POU2F3: variants seen among roughly 807,000 people sequenced by gnomAD.
POU2F3 encodes the protein POU class 2 homeobox 3.
POU2F3 carries 23 observed loss-of-function variants against 59.2 expected under a neutral mutation model. The ratio of observed to expected loss-of-function variants is 0.39; its 90% CI spans 0.28 to 0.55. The LOEUF (loss-of-function observed/expected upper bound fraction) is 0.55, where lower values mean the gene tolerates loss of function less well. Ranked by LOEUF, POU2F3 falls within the 20% of genes least tolerant of loss-of-function variation. POU2F3 has a pLI of 0.66. For synonymous variants in POU2F3, 190 were observed against 214.6 expected, an observed-to-expected ratio of 0.89 and a Z score of 1.00; for missense variants, 473 against 544.5, an observed-to-expected ratio of 0.87 and a Z score of 1.31.
chr11:120,242,758 C>T (rs1027478154), intron 1 of POU2F3, among the ~76,000 whole-genome samples: 3 of 152,164 alleles, frequency 2.0e-5, no homozygotes, highest in African/African-American at 4.8e-5. Context: ...CTGGAGCCTT[C>T]GCACCTTGTA....
chr11:120,283,772 CGT>C (rs36099803), intron 3 of POU2F3, among the ~76,000 whole-genome samples: 5,635 of 130,206 alleles, frequency 0.043, 105 homozygotes, highest in Middle Eastern at 0.065. Flanking sequence ...TAATAGGCTT[CGT>C]GTGTGTGTGT....
At chr11:120,298,235 C>G in intron 3 of POU2F3, 30 bp from the exon 4 acceptor site, 1 of 1,598,706 alleles carries the variant, frequency 6.3e-7, no homozygotes. Flanking sequence ...GGATCCAGCA[C>G]TGACGCTCTC....
chr11:120,251,833 C>T (rs1223807686), intron 2 of POU2F3, among the ~76,000 whole-genome samples: 3 of 130,822 alleles, frequency 2.3e-5, no homozygotes, highest in Admixed American at 8.6e-5. Context: ...CTTGCTCTGT[C>T]GCCCAGGCTG....
In POU2F3 at chr11:120,318,670, A is replaced by G. The variant is rs530950718; in HGVS notation, c.*278A>G. Reference sequence around the variant, plus strand: ...CCTATGCCCTTGCCTTCTAGTTCCAAATATTTTAGCCAGCTTCACTGTGGC... The same window carrying G: ...CCTATGCCCTTGCCTTCTAGTTCCAGATATTTTAGCCAGCTTCACTGTGGC... On this transcript the variant is annotated 3_prime_UTR_variant, in exon 13 of 13. Transcript: ENST00000543440. 1.1e-5 allele frequency: 4 copies of G among 369,556 alleles called. No individual in the cohort carries two copies. The highest frequency in any genetic ancestry group is 8.3e-5 in the African/African-American group (4 of 47,916). 22.9% of individuals were successfully genotyped at this position (369,556 alleles called of 1,614,324 possible). A position where few individuals can be genotyped will look rare whatever the true frequency, so the allele number is the denominator to read the frequency against.
At chr11:120,305,585 G>T in intron 7 of POU2F3, 59 bp from the exon 8 acceptor site, 2 of 1,595,288 alleles carry the variant, frequency 1.3e-6, no homozygotes, top group Non-Finnish European at 1.7e-6. Context: ...TGCAGGATGT[G>T]GGCAAACAAG....
At chr11:120,304,979 A>AAAAAAAAT in intron 6 of POU2F3, 51 bp from the exon 7 acceptor site, 3 of 1,076,506 alleles carry the variant, frequency 2.8e-6, no homozygotes, top group Non-Finnish European at 4.0e-6. Flanking sequence ...AAATCAGAAA[A>AAAAAAAAT]TGTTATTTAT....
At position 120,309,451 on chromosome 11, in the gene POU2F3, C is replaced by T. The variant is rs376184076; in HGVS notation, c.933C>T (p.Ile311=). ...ACCCAAAACCCAGCTCGGAGGAGATCTCCATGATTGCAGAGCAGTTGTCCA... is the reference window on the plus strand; with the variant it reads ...ACCCAAAACCCAGCTCGGAGGAGATTTCCATGATTGCAGAGCAGTTGTCCA... ...QDNPKPSSEE[I]SMIAEQLSME... is the part of the protein sequence containing the mutation. The change falls in exon 10 of 13, where the codon ATC becomes ATT. Residue 311 remains isoleucine (I), a synonymous_variant. Coordinates refer to ENST00000543440, the MANE Select transcript of POU2F3 (RefSeq NM_014352.4). 1 of 1,613,908 alleles carries T rather than the reference C, an allele frequency of 6.2e-7. No homozygotes were observed. The highest frequency in any genetic ancestry group is 1.3e-5 in the African/African-American group (1 of 74,916).
At position 120,318,532 on chromosome 11, in the gene POU2F3, C is replaced by T. The variant is rs1941845577; in HGVS notation, c.*140C>T. The T allele has an allele frequency of 1.2e-6, 1 of 860,888 alleles. No individual in the cohort carries two copies. Among genetic ancestry groups the T allele is most frequent in the South Asian group, 1.6e-5 (1 of 61,514 alleles). The allele number at this position is 860,888 out of a possible 1,614,324, so 53.3% of individuals were successfully genotyped here. ...ATCAATGAACCCAGACTCTTGTCTT[C>T]TTCAAGAGCAAGGGCCTCCGGAGAT... On this transcript the variant is annotated 3_prime_UTR_variant, in exon 13 of 13. Coordinates refer to ENST00000543440, the MANE Select transcript of POU2F3 (RefSeq NM_014352.4).
chr11:120,249,247 G>C (rs529994021), intron 2 of POU2F3, among the ~76,000 whole-genome samples: 9 of 152,322 alleles, frequency 5.9e-5, no homozygotes, highest in African/African-American at 2.2e-4. Flanking sequence ...ACCAGCCAAA[G>C]CTCAGAGCCC....
At chr11:120,246,662 A>C (rs907814766) in intron 2 of POU2F3, 145 bp downstream of exon 2, 1 of 760,604 alleles carries the variant, frequency 1.3e-6, no homozygotes, top group African/African-American at 1.7e-5. Flanking sequence ...GAATTCCCTG[A>C]GGACATGGGA....
intron 2 of POU2F3, among the ~76,000 whole-genome samples, chr11:120,255,782 C>A (rs1431918920): frequency 6.6e-6 from 1 of 152,140 alleles, no homozygotes; most frequent in Non-Finnish European, 1.5e-5. Flanking sequence ...TGCACCTGGG[C>A]TCCATTTAGC....
In POU2F3 at chr11:120,307,618, G is replaced by A. The variant is rs377422375; in HGVS notation, c.906+3G>A. 2 of 1,613,952 alleles carry A rather than the reference G, an allele frequency of 1.2e-6. No homozygotes were observed. The highest frequency in any genetic ancestry group is 1.7e-6 in the Non-Finnish European group (2 of 1,179,964). ...CTCTGGAGAAGAGGTTTCAAGATGTGAGCAGCACCTTCGGGTGGGCACGGG... is the reference window on the plus strand; with the variant it reads ...CTCTGGAGAAGAGGTTTCAAGATGTAAGCAGCACCTTCGGGTGGGCACGGG... On this transcript the variant is annotated splice_donor_region_variant and intron_variant, in intron 9 of 12. Transcript: ENST00000543440.
intron 11 of POU2F3, among the ~76,000 whole-genome samples, chr11:120,315,792 G>C (rs1475423506): frequency 6.6e-6 from 1 of 151,370 alleles, no homozygotes; most frequent in Non-Finnish European, 1.5e-5. Context: ...ATGATCGCAT[G>C]CCCAAGGGTG....
chr11:120,248,514 T>A (rs185413935), intron 2 of POU2F3, among the ~76,000 whole-genome samples: 1 of 152,262 alleles, frequency 6.6e-6, no homozygotes. Context: ...CGCTGCTGAG[T>A]ACTTCTGGCT....
chr11:120,302,421 A>C, intron 6 of POU2F3, 53 bp downstream of exon 6: 1 of 1,509,084 alleles, frequency 6.6e-7, no homozygotes, highest in Non-Finnish European at 9.2e-7. Flanking sequence ...GCTCTCACTG[A>C]GTTTAACTCA....
upstream of POU2F3, chr11:120,236,725 G>A (rs142282242): frequency 1.9e-3 from 2,833 of 1,467,934 alleles, 10 homozygotes; most frequent in Middle Eastern, 0.013. Context: ...AGTTCTCTAC[G>A]TTCCCATTCT....
At chr11:120,301,177 T>G (rs1025011583) in intron 5 of POU2F3, 1 of 431,276 alleles carries the variant, frequency 2.3e-6, no homozygotes, top group Non-Finnish European at 4.7e-6. Context: ...ACTTACTAAC[T>G]GTGTGTTTTG....
intron 3 of POU2F3, among the ~76,000 whole-genome samples, chr11:120,292,764 A>C (rs1479654755): frequency 6.6e-6 from 1 of 152,212 alleles, no homozygotes; most frequent in Non-Finnish European, 1.5e-5. Context: ...CTTTGGTTAA[A>C]ATGATTCAAG....
chr11:120,305,505 C>A, intron 7 of POU2F3, 139 bp from the exon 8 acceptor site: 1 of 1,314,848 alleles, frequency 7.6e-7, no homozygotes, highest in Non-Finnish European at 1.0e-6. Context: ...AGGGAGGAGA[C>A]TTGGAAAGGA....
Sources: gnomAD v4.1 joint callset for allele counts (sites outside exome capture counted in the v4.1 genomes callset) on GRCh38, gnomAD v4.1.1 for gene constraint, MANE v1.5 for transcripts, NCBI Gene and HGNC (gene_info 2026-07-23, HGNC 2026-07-21) for gene names.